The following TMEM156 variants were observed in gnomAD, a reference collection of about 807,000 sequenced individuals.
TMEM156 encodes transmembrane protein 156.
TMEM156 carries 28 observed loss-of-function variants against 30.5 expected under a neutral mutation model. The ratio of observed to expected loss-of-function variants is 0.92; its 90% CI spans 0.68 to 1.26. The LOEUF is 1.26. Ranked by LOEUF, TMEM156 falls within the 50% of genes most tolerant of loss-of-function variation. The probability of loss-of-function intolerance (pLI) is 0.00; values close to 1 mark genes in which losing one functional copy is unlikely to be tolerated. For synonymous variants in TMEM156, 137 were observed against 119.9 expected (o/e 1.14, Z -0.93); for missense variants, 351 against 340.6 (o/e 1.03, Z -0.24).
At chr4:39,025,653 G>C (rs1039935201) in intron 1 of TMEM156, among the ~76,000 whole-genome samples, 1 of 152,144 alleles carries the variant, frequency 6.6e-6, no homozygotes, top group Non-Finnish European at 1.5e-5. Context: ...TATTTGAAAG[G>C]CAGGTTTGAG....
chr4:39,021,513 G>A (rs906278178), intron 1 of TMEM156, among the ~76,000 whole-genome samples: 1 of 152,110 alleles, frequency 6.6e-6, no homozygotes, highest in Non-Finnish European at 1.5e-5. Flanking sequence ...TTTTCTTGCT[G>A]TTGCATTGTC....
intron 1 of TMEM156, chr4:39,028,587 G>A (rs1715346652): frequency 6.6e-6 from 1 of 152,040 alleles, no homozygotes; most frequent in Non-Finnish European, 1.5e-5. Context: ...CCTTTTTGTA[G>A]CCCCAGGTTT....
chr4:38,973,024 T>C (rs950027675), intron 5 of TMEM156, among the ~76,000 whole-genome samples: 4 of 152,222 alleles, frequency 2.6e-5, no homozygotes, highest in Admixed American at 6.5e-5. Flanking sequence ...GATTCTTCTA[T>C]TACTTTTATA....
chr4:38,993,791 T>G lies in TMEM156; in HGVS notation c.566A>C (p.Glu189Ala), dbSNP rs2109957554. The change falls in exon 3 of 7, where the codon GAA (glutamate) becomes GCA (alanine). Residue 189 changes from glutamate to alanine, a missense_variant. By Grantham distance (107) the Glu-to-Ala change is moderately radical (BLOSUM62 -1). Coordinates refer to ENST00000381938, the MANE Select transcript of TMEM156 (RefSeq NM_024943.3). Reference sequence around the variant, plus strand: ...AATGTGTATACAATCATTCGGGTATTCCATGATTCTACAAGTGTAGTTTAT... The same window carrying G: ...AATGTGTATACAATCATTCGGGTATGCCATGATTCTACAAGTGTAGTTTAT... ...KSINYTCRIM[E>A]YPNDCIHISL... 1 of 1,613,214 alleles carries G rather than the reference T, an allele frequency of 6.2e-7. No individual in the cohort carries two copies. The highest frequency in any genetic ancestry group is 2.2e-5 in the East Asian group (1 of 44,850).
chr4:38,992,063 C>T (rs970639640), intron 3 of TMEM156, among the ~76,000 whole-genome samples: 1 of 152,110 alleles, frequency 6.6e-6, no homozygotes, highest in African/African-American at 2.4e-5. Context: ...CTTAAAAATG[C>T]GTGCACATTA....
chr4:38,993,409 G>A (rs1697065614), intron 3 of TMEM156, among the ~76,000 whole-genome samples: 1 of 151,982 alleles, frequency 6.6e-6, no homozygotes, highest in Non-Finnish European at 1.5e-5. Flanking sequence ...TCCAGCCTGG[G>A]CAACAGAGTG....
intron 2 of TMEM156, among the ~76,000 whole-genome samples, chr4:38,995,724 A>T (rs1712878264): frequency 1.3e-5 from 2 of 152,228 alleles, no homozygotes; most frequent in South Asian, 4.1e-4. Flanking sequence ...AAAAAAATAA[A>T]TACATAAATA....
At chr4:38,994,474 G>A (rs1712777656) in intron 2 of TMEM156, among the ~76,000 whole-genome samples, 1 of 152,120 alleles carries the variant, frequency 6.6e-6, no homozygotes, top group Non-Finnish European at 1.5e-5. Flanking sequence ...ATGAAAACCA[G>A]GTTGTGGTAG....
chr4:38,970,216 C>A (rs1197104650), intron 6 of TMEM156, among the ~76,000 whole-genome samples: 1 of 151,854 alleles, frequency 6.6e-6, no homozygotes, highest in Non-Finnish European at 1.5e-5. Context: ...GGGTTTCTTT[C>A]CCCTTTAGTC....
At chr4:38,986,677 G>A (rs542480138) in intron 4 of TMEM156, among the ~76,000 whole-genome samples, 1 of 151,302 alleles carries the variant, frequency 6.6e-6, no homozygotes, top group South Asian at 2.1e-4. Flanking sequence ...GCGTGGTGGT[G>A]CATGCCTGTA....
intron 2 of TMEM156, among the ~76,000 whole-genome samples, chr4:38,997,919 C>T (rs1713042213): frequency 6.6e-6 from 1 of 152,154 alleles, no homozygotes; most frequent in African/African-American, 2.4e-5. Flanking sequence ...AGTAAAAAGA[C>T]TTCACATACA....
intron 5 of TMEM156, among the ~76,000 whole-genome samples, chr4:38,975,367 C>A (rs1409210207): frequency 6.8e-6 from 1 of 146,334 alleles, no homozygotes; most frequent in Non-Finnish European, 1.5e-5. Flanking sequence ...GATTTTTTTT[C>A]TTTTCTTTTT....
chr4:38,994,387 A>C (rs950700342), intron 2 of TMEM156, among the ~76,000 whole-genome samples: 1 of 152,118 alleles, frequency 6.6e-6, no homozygotes, highest in Admixed American at 6.6e-5. Context: ...CAGACTCCTG[A>C]ATTGCTGGGA....
At chr4:38,992,128 C>A (rs1211984836) in intron 3 of TMEM156, among the ~76,000 whole-genome samples, 1 of 152,146 alleles carries the variant, frequency 6.6e-6, no homozygotes, top group Non-Finnish European at 1.5e-5. Context: ...ATTACCTTTA[C>A]AATAATTAAA....
chr4:38,976,289 CAAAAAA>C (rs34271253), intron 5 of TMEM156, among the ~76,000 whole-genome samples: 3 of 74,322 alleles, frequency 4.0e-5, no homozygotes, highest in African/African-American at 1.7e-4. Flanking sequence ...GACTCCGTCT[CAAAAAA>C]AAAAAAAAAA....
intron 1 of TMEM156, among the ~76,000 whole-genome samples, chr4:39,015,405 G>C (rs563357741): frequency 5.6e-4 from 85 of 152,288 alleles, no homozygotes; most frequent in Admixed American, 1.9e-3. Context: ...GTCAATGTCA[G>C]AGTGATACAA....
intron 2 of TMEM156, among the ~76,000 whole-genome samples, chr4:38,995,319 T>C (rs1255959505): frequency 6.6e-6 from 1 of 152,238 alleles, no homozygotes; most frequent in African/African-American, 2.4e-5. Context: ...GAGGACCCAA[T>C]TCAATCCATA....
At chr4:39,030,230 A>T (rs188966286) in intron 1 of TMEM156, among the ~76,000 whole-genome samples, 1 of 151,972 alleles carries the variant, frequency 6.6e-6, no homozygotes, top group East Asian at 1.9e-4. Context: ...AGCATTATCT[A>T]TGCTGTTCTT....
chr4:38,971,040 T>C lies in TMEM156; in HGVS notation c.*30A>G, dbSNP rs1560351966. Reference sequence around the variant, plus strand: ...GCCGAATCATCACTCACCGTGTATATTGATCTCACTGATGCACTGTGGAAG... The same window carrying C: ...GCCGAATCATCACTCACCGTGTATACTGATCTCACTGATGCACTGTGGAAG... On this transcript the variant is annotated 3_prime_UTR_variant, in exon 6 of 7. Transcript: ENST00000381938. 6.3e-7 allele frequency: 1 copy of C among 1,595,898 alleles called. No homozygotes were observed. Among genetic ancestry groups the C allele is most frequent in the Non-Finnish European group, 8.6e-7 (1 of 1,163,860 alleles).
Sources: allele counts gnomAD v4.1 joint callset (sites outside exome capture counted in the v4.1 genomes callset), GRCh38; gene constraint gnomAD v4.1.1; transcripts MANE v1.5; gene names NCBI Gene and HGNC (gene_info 2026-07-23, HGNC 2026-07-21).